GALNT13: variants seen among roughly 807,000 people sequenced by gnomAD.
The protein encoded by GALNT13 is polypeptide N-acetylgalactosaminyltransferase 13.
A neutral mutation model predicts 64.2 loss-of-function variants in GALNT13; 28 were observed. That is an observed-to-expected ratio of 0.44 (90% CI 0.32 to 0.60). The LOEUF (loss-of-function observed/expected upper bound fraction) is 0.60, where lower values mean the gene tolerates loss of function less well. Ranked by LOEUF, GALNT13 falls within the 20% of genes least tolerant of loss-of-function variation. The pLI is 0.05. For missense variants in GALNT13, 577 were observed against 669.8 expected (o/e 0.86, Z 1.53); for synonymous variants, 214 against 224.6 (o/e 0.95, Z 0.42).
intron 3 of GALNT13, among the ~76,000 whole-genome samples, chr2:154,123,056 A>C (rs986973047): frequency 1.3e-5 from 2 of 152,060 alleles, no homozygotes; most frequent in African/African-American, 4.8e-5. Flanking sequence ...TGAAGTATAG[A>C]AGGAAAAATG....
chr2:153,283,263 A>G, the GALNT13 span, among the ~76,000 whole-genome samples: 1 of 152,214 alleles, frequency 6.6e-6, no homozygotes, highest in Admixed American at 6.5e-5. Flanking sequence ...GTGCCTAGTC[A>G]TGGAGCTGAG....
At chr2:153,868,928 T>C (rs1004940097), upstream of GALNT13, among the ~76,000 whole-genome samples, 1 of 152,226 alleles carries the variant, frequency 6.6e-6, no homozygotes, top group African/African-American at 2.4e-5. Context: ...AGATAAATTA[T>C]TGTGGTTATT....
At chr2:153,906,386 C>A (rs1240359644) in intron 2 of GALNT13, among the ~76,000 whole-genome samples, 3 of 94,258 alleles carry the variant, frequency 3.2e-5, no homozygotes, top group Non-Finnish European at 6.1e-5. Context: ...CTAATGCTAT[C>A]CCTCCCCCCT....
At chr2:153,184,654 T>A in the GALNT13 span, among the ~76,000 whole-genome samples, 1 of 152,176 alleles carries the variant, frequency 6.6e-6, no homozygotes, top group Non-Finnish European at 1.5e-5. Context: ...GTATCTAGTT[T>A]ATTGAGAGTT....
chr2:153,103,479 G>A, the GALNT13 span, among the ~76,000 whole-genome samples: 5 of 152,190 alleles, frequency 3.3e-5, no homozygotes, highest in African/African-American at 1.2e-4. Flanking sequence ...ACAATGGATA[G>A]TTTGAGAGGG....
the GALNT13 span, among the ~76,000 whole-genome samples, chr2:153,433,140 A>G: frequency 1.3e-5 from 2 of 152,274 alleles, no homozygotes; most frequent in Admixed American, 1.3e-4. Context: ...GAGTAAATGA[A>G]GAGACTATTT....
At chr2:154,421,044 T>C (rs868430496) in intron 11 of GALNT13, among the ~76,000 whole-genome samples, 1 of 151,996 alleles carries the variant, frequency 6.6e-6, no homozygotes, top group Non-Finnish European at 1.5e-5. Flanking sequence ...TTTTCAGAAA[T>C]GAAAAGATAG....
chr2:153,669,615 C>G, the GALNT13 span, among the ~76,000 whole-genome samples: 1 of 152,142 alleles, frequency 6.6e-6, no homozygotes, highest in East Asian at 1.9e-4. Flanking sequence ...GAGATTGATG[C>G]AAAAGACAGG....
chr2:153,687,721 GA>G, the GALNT13 span, among the ~76,000 whole-genome samples: 2 of 151,892 alleles, frequency 1.3e-5, no homozygotes, highest in Non-Finnish European at 2.9e-5. Flanking sequence ...GATCCAAGTG[GA>G]ATACACCAAT....
intron 9 of GALNT13, among the ~76,000 whole-genome samples, chr2:154,373,860 A>T (rs972168349): frequency 6.6e-6 from 1 of 152,108 alleles, no homozygotes; most frequent in East Asian, 1.9e-4. Flanking sequence ...TAACAAAGAT[A>T]CTCAGAGCTC....
chr2:153,454,212 C>T, the GALNT13 span, among the ~76,000 whole-genome samples: 3 of 152,066 alleles, frequency 2.0e-5, no homozygotes, highest in Non-Finnish European at 4.4e-5. Context: ...TACCCCGAAC[C>T]TCAGCATCAC....
chr2:153,872,623 G>GGGGT (rs1686040930), intron 1 of GALNT13, among the ~76,000 whole-genome samples: 1 of 98,136 alleles, frequency 1.0e-5, no homozygotes, highest in Non-Finnish European at 2.3e-5. Flanking sequence ...TGGTGGCGGG[G>GGGGT]GGGGGGGGGG....
intron 8 of GALNT13, among the ~76,000 whole-genome samples, chr2:154,276,171 G>C (rs1341406618): frequency 1.3e-5 from 2 of 151,864 alleles, no homozygotes; most frequent in Non-Finnish European, 2.9e-5. Flanking sequence ...GTGGATTGTG[G>C]ATGCTTTTCT....
In GALNT13 at chr2:154,302,651, A is replaced by G. The variant is rs201990275; in HGVS notation, c.1156+1062A>G. On this transcript the variant is annotated intron_variant, in intron 9 of 12. Transcript: ENST00000392825. ...AACATGTGCCCAAGATGGTTGGGTT[A>G]TAGGTTGATGTTACACATTTTAGAG... Among the ~76,000 whole-genome samples, 12 of 152,324 alleles carry G rather than the reference A, an allele frequency of 7.9e-5. No homozygotes were observed. In the East Asian group the frequency reaches 2.3e-3, roughly 29 times the overall value.
At chr2:153,815,462 T>G in the GALNT13 span, among the ~76,000 whole-genome samples, 1,184 of 151,002 alleles carry the variant, frequency 7.8e-3, 13 homozygotes, top group Non-Finnish European at 0.013. Flanking sequence ...AATTACCAAA[T>G]TAAGAAATAT....
chr2:153,531,353 G>C, the GALNT13 span, among the ~76,000 whole-genome samples: 1 of 152,152 alleles, frequency 6.6e-6, no homozygotes, highest in Non-Finnish European at 1.5e-5. Flanking sequence ...GAGTAGGAGA[G>C]AGGGGGAGAT....
chr2:154,136,409 T>A (rs1682951436), intron 3 of GALNT13, among the ~76,000 whole-genome samples: 1 of 152,168 alleles, frequency 6.6e-6, no homozygotes, highest in African/African-American at 2.4e-5. Context: ...TGCTTCAAGC[T>A]TTTTCCTAGA....
chr2:153,591,586 T>C, the GALNT13 span, among the ~76,000 whole-genome samples: 9 of 152,068 alleles, frequency 5.9e-5, no homozygotes, highest in Admixed American at 2.0e-4. Flanking sequence ...ATGGTACTAT[T>C]ATAAAATAAA....
intron 2 of GALNT13, among the ~76,000 whole-genome samples, chr2:153,917,810 C>T (rs1689485008): frequency 6.6e-6 from 1 of 151,878 alleles, no homozygotes; most frequent in African/African-American, 2.4e-5. Flanking sequence ...TAAAAGGTAT[C>T]TTGGAAACAA....
Sources: gnomAD v4.1 joint callset for allele counts (sites outside exome capture counted in the v4.1 genomes callset) on GRCh38, gnomAD v4.1.1 for gene constraint, MANE v1.5 for transcripts, NCBI Gene and HGNC (gene_info 2026-07-23, HGNC 2026-07-21) for gene names.